The following PARD3B variants were observed in gnomAD, a reference collection of about 807,000 sequenced individuals.
PARD3B encodes partitioning defective 3 homolog B.
A neutral mutation model predicts 130.2 loss-of-function variants in PARD3B; 103 were observed. The observed-to-expected ratio is 0.79, with a 90% CI of 0.67 to 0.93. The LOEUF (loss-of-function observed/expected upper bound fraction) is 0.93. PARD3B is among the 40% of genes least tolerant of loss of function. The probability of loss-of-function intolerance (pLI) is 0.00; values close to 1 mark genes in which losing one functional copy is unlikely to be tolerated. For missense variants in PARD3B, 1,609 were observed against 1,499.2 expected, an observed-to-expected ratio of 1.07 and a Z score of -1.21; for synonymous variants, 583 against 553.2, an observed-to-expected ratio of 1.05 and a Z score of -0.76.
intron 2 of PARD3B, among the ~76,000 whole-genome samples, chr2:204,830,051 T>C (rs1559179032): frequency 6.7e-6 from 1 of 149,922 alleles, no homozygotes; most frequent in Non-Finnish European, 1.5e-5. Context: ...CTTAGTGTGC[T>C]CTCTCTCCTG....
intron 4 of PARD3B, among the ~76,000 whole-genome samples, chr2:205,049,221 A>T (rs996587262): frequency 2.0e-5 from 3 of 152,198 alleles, no homozygotes; most frequent in African/African-American, 7.2e-5. Flanking sequence ...GTAATTTATA[A>T]AGGAAAGAGG....
intron 2 of PARD3B, among the ~76,000 whole-genome samples, chr2:204,716,723 C>T (rs1438477564): frequency 9.3e-5 from 14 of 150,864 alleles, no homozygotes; most frequent in African/African-American, 2.2e-4. Context: ...CCTGGGTTCA[C>T]GCCATTCTCC....
chr2:205,473,265 AT>A lies in PARD3B; in HGVS notation c.3045-26629del, dbSNP rs1250617380. 1.3e-5 allele frequency among the ~76,000 whole-genome samples: 2 copies of A among 152,146 alleles called. No individual in the cohort carries two copies. The highest frequency in any genetic ancestry group is 2.9e-5 in the Non-Finnish European group (2 of 67,998). Reference sequence around the variant, plus strand: ...GGGACTGATTTCATAAATTTAGCATATTACGCATTGCAGCATTCTGCCTTTC... The same window carrying A: ...GGGACTGATTTCATAAATTTAGCATATACGCATTGCAGCATTCTGCCTTTC... On this transcript the variant is annotated intron_variant, in intron 20 of 22. Transcript: ENST00000406610. The surrounding 1 kb of genome is among the most constrained non-coding windows in gnomAD (Gnocchi z 4.9).
intron 21 of PARD3B, among the ~76,000 whole-genome samples, chr2:205,516,602 G>A (rs1304287981): frequency 6.6e-6 from 1 of 152,158 alleles, no homozygotes; most frequent in Non-Finnish European, 1.5e-5. Context: ...GAATGCTAGT[G>A]ATTTTTGTAC....
chr2:204,561,185 A>G (rs1007934266), intron 1 of PARD3B, among the ~76,000 whole-genome samples: 5 of 152,178 alleles, frequency 3.3e-5, no homozygotes, highest in Admixed American at 6.5e-5. Context: ...AAAGATGCCA[A>G]TCTTTTGCAC....
intron 22 of PARD3B, among the ~76,000 whole-genome samples, chr2:205,570,850 G>A (rs1443901472): frequency 1.3e-5 from 2 of 152,144 alleles, no homozygotes; most frequent in African/African-American, 2.4e-5. Flanking sequence ...GGAGGCACTC[G>A]TGAGAATAAG....
At chr2:205,531,793 TTGGTGATCTGATGCATA>T (rs2051607903) in intron 21 of PARD3B, among the ~76,000 whole-genome samples, 1 of 152,180 alleles carries the variant, frequency 6.6e-6, no homozygotes, top group South Asian at 2.1e-4. Context: ...GATTGACAAA[TTGGTGATCTGATGCATA>T]TGGATGATCT....
At chr2:205,006,846 G>A (rs1270697023) in intron 3 of PARD3B, among the ~76,000 whole-genome samples, 2 of 152,062 alleles carry the variant, frequency 1.3e-5, no homozygotes, top group Non-Finnish European at 2.9e-5. Context: ...TTATTTATTT[G>A]TTACATTCGC....
intron 1 of PARD3B, among the ~76,000 whole-genome samples, chr2:204,667,386 ATG>A (rs1192307091): frequency 6.6e-6 from 1 of 152,016 alleles, no homozygotes; most frequent in East Asian, 1.9e-4. Context: ...CTCAGATATC[ATG>A]TGTTTTCCTT....
intron 1 of PARD3B, among the ~76,000 whole-genome samples, chr2:204,682,934 G>A (rs1221703622): frequency 6.6e-6 from 1 of 152,172 alleles, no homozygotes; most frequent in Admixed American, 6.5e-5. Flanking sequence ...TCTACCCATA[G>A]TGAAGGTCTT....
chr2:205,451,531 A>G (rs1021429155), intron 20 of PARD3B, among the ~76,000 whole-genome samples: 52 of 152,064 alleles, frequency 3.4e-4, no homozygotes, highest in African/African-American at 1.2e-3. Context: ...TTATAGATTC[A>G]TAGTATATAG....
chr2:205,059,656 G>A (rs1375072386), intron 4 of PARD3B, among the ~76,000 whole-genome samples: 1 of 152,008 alleles, frequency 6.6e-6, no homozygotes, highest in Admixed American at 6.6e-5. Flanking sequence ...ACTTGTAGGT[G>A]GCTTGAATTT....
At chr2:205,169,438 G>C (rs1214054364) in intron 11 of PARD3B, among the ~76,000 whole-genome samples, 1 of 152,202 alleles carries the variant, frequency 6.6e-6, no homozygotes, top group African/African-American at 2.4e-5. Flanking sequence ...TAAAAAGTTT[G>C]TGCTTAGTAA....
At position 205,011,062 on chromosome 2, in the gene PARD3B, C is replaced by T. The variant is rs10209145; in HGVS notation, c.395-36519C>T. Among the ~76,000 whole-genome samples the T allele has an allele frequency of 0.47, 71,403 of 151,996 alleles. 17,635 individuals are homozygous for T. The highest frequency in any genetic ancestry group is 0.83 in the East Asian group (4,267 of 5,164). ...TATGGGGTTTAGTGGTGGAAGGTATCCCCTAAGCTGGTAGCACCATTAGGC... is the reference window on the plus strand; with the variant it reads ...TATGGGGTTTAGTGGTGGAAGGTATTCCCTAAGCTGGTAGCACCATTAGGC... On this transcript the variant is annotated intron_variant, in intron 3 of 22. Coordinates refer to ENST00000406610, the MANE Select transcript of PARD3B (RefSeq NM_001302769.2). The surrounding 1 kb of genome is among the most constrained non-coding windows in gnomAD (Gnocchi z 4.1).
chr2:205,374,614 G>T (rs1337422848), intron 18 of PARD3B, among the ~76,000 whole-genome samples: 4 of 151,742 alleles, frequency 2.6e-5, no homozygotes, highest in African/African-American at 9.7e-5. Context: ...TTGTTTCCTG[G>T]TTTTATTTAA....
rs1022766714 is a variant in PARD3B, at chr2:205,146,079, C to T, written c.1435-12643C>T. Reference sequence around the variant, plus strand: ...TAGCGAAGGGCACCTGCACATCAGTCGGTGCCACCCTTGCTTCCTGGGTGC... The same window carrying T: ...TAGCGAAGGGCACCTGCACATCAGTTGGTGCCACCCTTGCTTCCTGGGTGC... On this transcript the variant is annotated intron_variant, in intron 10 of 22. Transcript: ENST00000406610. The surrounding 1 kb of genome is among the most constrained non-coding windows in gnomAD (Gnocchi z 4.3). Among the ~76,000 whole-genome samples, 25 of 152,208 alleles carry T rather than the reference C, an allele frequency of 1.6e-4. No homozygotes were observed. Among genetic ancestry groups the T allele is most frequent in the Non-Finnish European group, 3.5e-4 (24 of 68,040 alleles).
At chr2:204,686,077 C>G (rs1188974249) in intron 1 of PARD3B, 104 bp from the exon 2 acceptor site, 1 of 759,798 alleles carries the variant, frequency 1.3e-6, no homozygotes, top group Non-Finnish European at 2.2e-6. Flanking sequence ...AATTTGATTA[C>G]TAGAACATAT....
intron 22 of PARD3B, among the ~76,000 whole-genome samples, chr2:205,593,254 G>A (rs1303131087): frequency 6.6e-6 from 1 of 152,142 alleles, no homozygotes; most frequent in Non-Finnish European, 1.5e-5. Flanking sequence ...AGAACAACAA[G>A]TAAATTTAAA....
At chr2:204,668,694 A>G (rs2036139215) in intron 1 of PARD3B, among the ~76,000 whole-genome samples, 2 of 152,292 alleles carry the variant, frequency 1.3e-5, no homozygotes, top group South Asian at 4.1e-4. Context: ...AAGACAATAC[A>G]TTCCGTCCTT....
Sources: allele counts gnomAD v4.1 joint callset (sites outside exome capture counted in the v4.1 genomes callset), GRCh38; gene constraint gnomAD v4.1.1; non-coding constraint Gnocchi (gnomAD v3.1); transcripts MANE v1.5; gene names NCBI Gene and HGNC (gene_info 2026-07-23, HGNC 2026-07-21).